INSL6: variants seen among roughly 807,000 people sequenced by gnomAD.
INSL6 encodes the protein insulin-like peptide INSL6.
A neutral mutation model predicts 9.4 loss-of-function variants in INSL6; 16 were observed. The observed-to-expected ratio is 1.70, with a 90% confidence interval of 1.15 to 2.59. The LOEUF is 2.59. INSL6 is among the 30% of genes most tolerant of loss of function. The pLI, the probability that INSL6 is intolerant of heterozygous loss-of-function variation, is 0.00. For synonymous variants in INSL6, 154 were observed against 96.9 expected (o/e 1.59, Z -3.46); for missense variants, 391 against 257.3 (o/e 1.52, Z -3.56).
At chr9:5,037,406 ACG>A in the INSL6 span, among the ~76,000 whole-genome samples, 1 of 152,240 alleles carries the variant, frequency 6.6e-6, no homozygotes, top group African/African-American at 2.4e-5. Flanking sequence ...ACACATGCAC[ACG>A]TATGTTTATT....
At chr9:5,102,653 G>A in the INSL6 span, among the ~76,000 whole-genome samples, 1 of 152,176 alleles carries the variant, frequency 6.6e-6, no homozygotes, top group Non-Finnish European at 1.5e-5. Context: ...GAAATGTCGG[G>A]TTGCCCACAA....
downstream of INSL6, among the ~76,000 whole-genome samples, chr9:5,161,300 G>T (rs1010792138): frequency 2.0e-5 from 3 of 152,122 alleles, no homozygotes; most frequent in Admixed American, 6.5e-5. Context: ...CAATCATTGT[G>T]ATCTATCAAG....
chr9:5,040,968 A>G, the INSL6 span: 7 of 572,894 alleles, frequency 1.2e-5, no homozygotes, highest in South Asian at 1.1e-4. Flanking sequence ...ATACAAACAA[A>G]TATGTGGCTA....
the INSL6 span, among the ~76,000 whole-genome samples, chr9:5,061,644 T>C: frequency 2.6e-5 from 4 of 152,254 alleles, no homozygotes; most frequent in Non-Finnish European, 5.9e-5. Flanking sequence ...TGATCTTCTA[T>C]CTAGAACTTT....
intron 2 of INSL6, among the ~76,000 whole-genome samples, chr9:5,151,912 G>C (rs1169845547): frequency 6.6e-6 from 1 of 151,958 alleles, no homozygotes. Context: ...TACACATGAA[G>C]ATACAGATAG....
the INSL6 span, chr9:5,041,729 G>C: frequency 2.0e-6 from 1 of 495,338 alleles, no homozygotes; most frequent in Non-Finnish European, 4.0e-6. Context: ...GGCTCGGGAA[G>C]CCCTTGGCGA....
At chr9:5,091,739 T>C in the INSL6 span, 1 of 152,140 alleles carries the variant, frequency 6.6e-6, no homozygotes, top group African/African-American at 2.4e-5. Context: ...AAGCTAGATT[T>C]TGGCTTATGA....
At chr9:5,007,808 A>G in the INSL6 span, among the ~76,000 whole-genome samples, 10 of 151,706 alleles carry the variant, frequency 6.6e-5, no homozygotes, top group South Asian at 2.1e-4. Flanking sequence ...GCTCACTGCA[A>G]TCTCTGCCTC....
chr9:5,167,393 G>C (rs947608901), intron 1 of INSL6, among the ~76,000 whole-genome samples: 10 of 152,238 alleles, frequency 6.6e-5, no homozygotes, highest in Non-Finnish European at 1.3e-4. Flanking sequence ...GGAAGAGGCA[G>C]CTGCCATTAC....
chr9:5,098,508 G>A, the INSL6 span: 5 of 152,060 alleles, frequency 3.3e-5, no homozygotes, highest in African/African-American at 7.2e-5. Context: ...TAGCACCACA[G>A]ATGCCCAAGA....
intron 2 of INSL6, among the ~76,000 whole-genome samples, chr9:5,140,682 C>G (rs1392671948): frequency 4.0e-4 from 60 of 151,590 alleles, no homozygotes; most frequent in Non-Finnish European, 1.5e-5. Context: ...CAGATATTAA[C>G]TTCAAAAGTA....
chr9:5,169,790 C>A (rs994162207), intron 1 of INSL6, among the ~76,000 whole-genome samples: 2 of 152,134 alleles, frequency 1.3e-5, no homozygotes, highest in African/African-American at 4.8e-5. Context: ...TAATGGTAAA[C>A]AGGTCAATTC....
chr9:5,184,446 C>G (rs1759442731), intron 1 of INSL6, among the ~76,000 whole-genome samples: 1 of 152,276 alleles, frequency 6.6e-6, no homozygotes, highest in African/African-American at 2.4e-5. Flanking sequence ...ACCAATGAAT[C>G]TGGAACAAGA....
chr9:5,130,786 TG>T (rs1388548441), intron 3 of INSL6, among the ~76,000 whole-genome samples: 1 of 151,606 alleles, frequency 6.6e-6, no homozygotes, highest in Non-Finnish European at 1.5e-5. Context: ...TGGAGTGCAG[TG>T]GCGCGATCTC....
At chr9:5,124,277 C>A (rs1355444804) in exon 4 of INSL6, among the ~76,000 whole-genome samples, 1 of 151,586 alleles carries the variant, frequency 6.6e-6, no homozygotes, top group Non-Finnish European at 1.5e-5. Flanking sequence ...GCCATGAATT[C>A]TTTGTTTACA....
At chr9:5,041,913 C>T in the INSL6 span, 4 of 395,806 alleles carry the variant, frequency 1.0e-5, no homozygotes, top group Non-Finnish European at 1.5e-5. Flanking sequence ...TGGAGGTGGG[C>T]GATGAAACGA....
At chr9:5,091,020 T>A in the INSL6 span, 3 of 796,384 alleles carry the variant, frequency 3.8e-6, no homozygotes, top group Non-Finnish European at 5.8e-6. Context: ...AGTGAACATT[T>A]AAGTCTTTTA....
the INSL6 span, among the ~76,000 whole-genome samples, chr9:5,033,622 G>T: frequency 6.6e-3 from 1,012 of 152,248 alleles, 9 homozygotes; most frequent in African/African-American, 0.023. Flanking sequence ...AACCCAGAAT[G>T]TCATATCCAG....
chr9:5,069,555 G>A, the INSL6 span, among the ~76,000 whole-genome samples: 2 of 152,016 alleles, frequency 1.3e-5, no homozygotes, highest in South Asian at 2.1e-4. Context: ...TAAAAATAAA[G>A]ACAGTAAAGT....
Sources: allele counts gnomAD v4.1 joint callset (sites outside exome capture counted in the v4.1 genomes callset), GRCh38; gene constraint gnomAD v4.1.1; transcripts MANE v1.5; gene names NCBI Gene and HGNC (gene_info 2026-07-23, HGNC 2026-07-21).